The following NUP98 variants were observed in gnomAD, a reference collection of about 807,000 sequenced individuals.
The protein encoded by NUP98 is nucleoporin 98 and 96 precursor, also known as nuclear pore complex protein Nup98-Nup96.
Under a neutral mutation model 191.9 loss-of-function variants are expected in NUP98, and 26 were observed. That is an observed-to-expected ratio of 0.14 (90% CI 0.10 to 0.19). The LOEUF (loss-of-function observed/expected upper bound fraction) is 0.19, where lower values mean the gene tolerates loss of function less well. NUP98 is among the 10% of genes least tolerant of loss of function. The probability of loss-of-function intolerance (pLI) is 1.00; values close to 1 mark genes in which losing one functional copy is unlikely to be tolerated. For missense variants in NUP98, 1,941 were observed against 2,178.8 expected (o/e 0.89, Z 2.17); for synonymous variants, 808 against 778.4 (o/e 1.04, Z -0.63).
chr11:3,748,666 CAAAA>C (rs1564880504), intron 11 of NUP98, among the ~76,000 whole-genome samples: 2 of 151,406 alleles, frequency 1.3e-5, no homozygotes, highest in African/African-American at 4.9e-5. Context: ...TTATTAACAA[CAAAA>C]AAAGAAAAGC....
rs1221087722 is a variant in NUP98, at chr11:3,714,011, A to G, written c.2400-16T>C. On this transcript the variant is annotated splice_polypyrimidine_tract_variant and intron_variant, in intron 18 of 32. Coordinates refer to ENST00000324932, the MANE Select transcript of NUP98 (RefSeq NM_016320.5). ...TTCAGCCTTCCTGTAAAACATAACC[A>G]ATTAAAGTAACCAATTAAAGTAAAA... The G allele has an allele frequency of 6.2e-7, 1 of 1,611,362 alleles. No individual in the cohort carries two copies. Among genetic ancestry groups the G allele is most frequent in the Admixed American group, 1.7e-5 (1 of 59,134 alleles).
chr11:3,772,061 G>A, intron 6 of NUP98, 133 bp from the exon 7 acceptor site: 1 of 685,206 alleles, frequency 1.5e-6, no homozygotes, highest in Non-Finnish European at 2.4e-6. Flanking sequence ...AGAAAACTAA[G>A]GAATGACATT....
chr11:3,747,747 G>C (rs1279461722), intron 11 of NUP98, among the ~76,000 whole-genome samples: 2 of 152,210 alleles, frequency 1.3e-5, no homozygotes, highest in African/African-American at 4.8e-5. Flanking sequence ...AGAAGCTGCA[G>C]AGAAACACCC....
At chr11:3,732,662 G>T (rs1036361626) in intron 13 of NUP98, among the ~76,000 whole-genome samples, 9 of 152,206 alleles carry the variant, frequency 5.9e-5, no homozygotes, top group Admixed American at 5.9e-4. Flanking sequence ...AAAACTACAA[G>T]TTAGTGGAGG....
At chr11:3,680,922 G>A (rs567782929) in intron 30 of NUP98, among the ~76,000 whole-genome samples, 10 of 152,162 alleles carry the variant, frequency 6.6e-5, no homozygotes, top group Non-Finnish European at 1.3e-4. Context: ...GTGCAGTGGT[G>A]TGATCATGGC....
intron 13 of NUP98, among the ~76,000 whole-genome samples, chr11:3,734,399 A>G (rs997366694): frequency 1.3e-4 from 20 of 152,366 alleles, no homozygotes; most frequent in Admixed American, 1.2e-3. Context: ...ATGTAATCAC[A>G]TAAGTGACTG....
intron 11 of NUP98, among the ~76,000 whole-genome samples, chr11:3,748,948 A>T (rs76924307): frequency 7.3e-6 from 1 of 137,106 alleles, no homozygotes; most frequent in East Asian, 2.1e-4. Context: ...AATTTTCATT[A>T]AAAAAAAAAA....
rs1564819535 is a variant in NUP98, at chr11:3,700,846, G to A, written c.3513-7C>T. ...GAATGGGGACTCAGTTAGGCTACAA[G>A]AGCAAATGAGGAATAGAATAGAAAA... On this transcript the variant is annotated splice_polypyrimidine_tract_variant and splice_region_variant and intron_variant, in intron 23 of 32. Transcript: ENST00000324932. 2 of 1,591,922 alleles carry A rather than the reference G, an allele frequency of 1.3e-6. No individual in the cohort carries two copies. The highest frequency in any genetic ancestry group is 1.1e-5 in the South Asian group (1 of 90,048).
At chr11:3,735,748 AGTGTGTGTGTGTGT>A (rs71041385) in intron 12 of NUP98, among the ~76,000 whole-genome samples, 299 of 140,966 alleles carry the variant, frequency 2.1e-3, no homozygotes, top group African/African-American at 4.8e-3. Context: ...CAGGGCAAGT[AGTGTGTGTGTGTGT>A]GTGTGTGTGT....
At chr11:3,770,189 A>G (rs893871193) in intron 7 of NUP98, among the ~76,000 whole-genome samples, 6 of 151,636 alleles carry the variant, frequency 4.0e-5, no homozygotes, top group African/African-American at 1.5e-4. Context: ...TATTAAAAAT[A>G]TAAAAAATTG....
At chr11:3,678,928 C>G (rs963063780) in intron 31 of NUP98, among the ~76,000 whole-genome samples, 1 of 152,036 alleles carries the variant, frequency 6.6e-6, no homozygotes, top group African/African-American at 2.4e-5. Flanking sequence ...TCAAGACCAG[C>G]CTGGCCAATG....
At chr11:3,739,857 T>C (rs1304124481) in intron 12 of NUP98, among the ~76,000 whole-genome samples, 1 of 152,114 alleles carries the variant, frequency 6.6e-6, no homozygotes, top group Non-Finnish European at 1.5e-5. Flanking sequence ...TGGATCCACT[T>C]ATGTGTGGAT....
chr11:3,687,209 T>C (rs185567521), intron 28 of NUP98, among the ~76,000 whole-genome samples: 34 of 152,290 alleles, frequency 2.2e-4, no homozygotes, highest in Admixed American at 4.6e-4. Flanking sequence ...GCTGGGATTA[T>C]AGGCATGACG....
At chr11:3,688,824 T>C (rs1564806933) in intron 28 of NUP98, among the ~76,000 whole-genome samples, 2 of 141,564 alleles carry the variant, frequency 1.4e-5, no homozygotes, top group South Asian at 2.2e-4. Context: ...AATATACATA[T>C]ATATATATAT....
At chr11:3,726,406 A>C (rs2079618490) in intron 14 of NUP98, among the ~76,000 whole-genome samples, 1 of 149,358 alleles carries the variant, frequency 6.7e-6, no homozygotes, top group Non-Finnish European at 1.5e-5. Context: ...GCCATAAGTT[A>C]GTTCTTTGAA....
rs527251778 is a variant in NUP98 at position 3,726,140 on chromosome 11, A to G, written c.1731-921T>C. Among the ~76,000 whole-genome samples the G allele has an allele frequency of 2.1e-4, 32 of 152,088 alleles. No homozygotes were observed. The South Asian group carries it at 6.4e-3, about 31-fold the overall frequency. ...AACAGTATACTGGGCCATTAAAGGA[A>G]CTCTCAAATTTCTAAGAATTGCTAT... On this transcript the variant is annotated intron_variant, in intron 14 of 32. Transcript: ENST00000324932.
At chr11:3,743,209 G>A (rs1262893273) in intron 12 of NUP98, among the ~76,000 whole-genome samples, 1 of 151,084 alleles carries the variant, frequency 6.6e-6, no homozygotes, top group Non-Finnish European at 1.5e-5. Flanking sequence ...AATAGAGATG[G>A]GGTTTCACCG....
chr11:3,752,377 G>A (rs1447025322), intron 11 of NUP98, among the ~76,000 whole-genome samples: 1 of 151,326 alleles, frequency 6.6e-6, no homozygotes, highest in Non-Finnish European at 1.5e-5. Context: ...ATTAGCCAAG[G>A]ATGGTGATAC....
intron 14 of NUP98, 27 bp downstream of exon 14, chr11:3,731,364 A>T (rs1277733093): frequency 2.1e-6 from 3 of 1,460,342 alleles, no homozygotes; most frequent in Non-Finnish European, 2.8e-6. Context: ...TTTTACACTT[A>T]ATTTCTGTTA....
Sources: allele counts gnomAD v4.1 joint callset (sites outside exome capture counted in the v4.1 genomes callset), GRCh38; gene constraint gnomAD v4.1.1; transcripts MANE v1.5; gene names NCBI Gene and HGNC (gene_info 2026-07-23, HGNC 2026-07-21).